The following CDC42BPB variants were observed in gnomAD, a reference collection of about 807,000 sequenced individuals.
CDC42BPB encodes the protein serine/threonine-protein kinase MRCK beta.
CDC42BPB carries 37 observed loss-of-function variants against 214.9 expected under a neutral mutation model. The ratio of observed to expected loss-of-function variants is 0.17; its 90% CI spans 0.13 to 0.23. CDC42BPB has a LOEUF of 0.23. Ranked by LOEUF, CDC42BPB falls within the 10% of genes least tolerant of loss-of-function variation. CDC42BPB has a pLI of 1.00. For synonymous variants in CDC42BPB, 931 were observed against 884.0 expected (o/e 1.05, Z -0.94); for missense variants, 1,694 against 2,227.0 (o/e 0.76, Z 4.82).
intron 6 of CDC42BPB, among the ~76,000 whole-genome samples, chr14:102,986,010 C>A (rs934421492): frequency 6.6e-6 from 1 of 152,200 alleles, no homozygotes. Flanking sequence ...CAGCTGGCCC[C>A]GTAACACTGA....
At chr14:103,014,388 G>C (rs367677131) in intron 1 of CDC42BPB, among the ~76,000 whole-genome samples, 3 of 152,100 alleles carry the variant, frequency 2.0e-5, no homozygotes, top group East Asian at 3.8e-4. Flanking sequence ...TTTTATGCTA[G>C]GTTTTTTTTT....
intron 5 of CDC42BPB, among the ~76,000 whole-genome samples, chr14:102,989,589 C>T (rs1324982899): frequency 6.6e-6 from 1 of 152,158 alleles, no homozygotes; most frequent in Non-Finnish European, 1.5e-5. Context: ...GAATGAAGAG[C>T]AGGCCGGGTG....
chr14:102,936,276 TCAAA>T (rs1487315389), intron 36 of CDC42BPB, among the ~76,000 whole-genome samples: 2 of 152,146 alleles, frequency 1.3e-5, no homozygotes, highest in African/African-American at 4.8e-5. Context: ...AAACAGGCAC[TCAAA>T]CACATATGTG....
At chr14:102,955,907 C>A (rs1843815854) in intron 21 of CDC42BPB, among the ~76,000 whole-genome samples, 1 of 152,130 alleles carries the variant, frequency 6.6e-6, no homozygotes, top group African/African-American at 2.4e-5. Flanking sequence ...GAGGAAGGAG[C>A]CAAATTCAGA....
Position 102,986,470 on chromosome 14 carries a change from C to A in CDC42BPB, c.690+17G>T. On this transcript the variant is annotated intron_variant, in intron 6 of 36. Coordinates refer to ENST00000361246, the MANE Select transcript of CDC42BPB (RefSeq NM_006035.4). ...AAACCCAAAACCAAATGGAAAATCT[C>A]CAACAAAAATACCTACAGTGCCATC... 6.3e-7 allele frequency: 1 copy of A among 1,599,040 alleles called. No individual in the cohort carries two copies. Among genetic ancestry groups the A allele is most frequent in the African/African-American group, 1.3e-5 (1 of 74,710 alleles).
At chr14:102,936,551 G>T (rs1413213849) in intron 36 of CDC42BPB, among the ~76,000 whole-genome samples, 1 of 151,466 alleles carries the variant, frequency 6.6e-6, no homozygotes, top group East Asian at 1.9e-4. Flanking sequence ...GAAATGTCCA[G>T]ACAGGGAAAT....
At chr14:102,980,128 T>C (rs1309260252) in intron 8 of CDC42BPB, among the ~76,000 whole-genome samples, 1 of 152,134 alleles carries the variant, frequency 6.6e-6, no homozygotes, top group African/African-American at 2.4e-5. Flanking sequence ...TCTTTCAACC[T>C]AAAAAACCTA....
At chr14:102,962,987 G>A (rs1270136914) in intron 20 of CDC42BPB, 74 bp downstream of exon 20, 19 of 749,372 alleles carry the variant, frequency 2.5e-5, no homozygotes, top group South Asian at 9.0e-5. Context: ...CTATTAAGTC[G>A]AAAAGAAAAT....
At chr14:102,962,178 T>TG (rs1220976428) in intron 20 of CDC42BPB, among the ~76,000 whole-genome samples, 2 of 152,222 alleles carry the variant, frequency 1.3e-5, no homozygotes, top group African/African-American at 4.8e-5. Context: ...GGGTAGGCTG[T>TG]GGGGCAGAAA....
chr14:102,938,191 G>C lies in CDC42BPB; in HGVS notation c.4934-17C>G. ...CCGATCCACCTACAGAACAAGGACA[G>C]CTTTCCTCTTAGGGAGAAAGTCAAG... is the stretch of plus-strand genomic sequence containing the variant. On this transcript the variant is annotated splice_polypyrimidine_tract_variant and intron_variant, in intron 35 of 36. Coordinates refer to ENST00000361246, the MANE Select transcript of CDC42BPB (RefSeq NM_006035.4). 1 of 1,612,342 alleles carries C rather than the reference G, an allele frequency of 6.2e-7. No individual in the cohort carries two copies. Among genetic ancestry groups the C allele is most frequent in the Non-Finnish European group, 8.5e-7 (1 of 1,179,346 alleles).
intron 26 of CDC42BPB, 157 bp from the exon 27 acceptor site, chr14:102,947,959 C>T: frequency 1.0e-6 from 1 of 984,106 alleles, no homozygotes; most frequent in Non-Finnish European, 1.2e-6. Flanking sequence ...GAAACACGGG[C>T]AGGGCCAACA....
In CDC42BPB at chr14:103,057,183, C is replaced by A; in HGVS notation, c.-10G>T. 7.2e-7 allele frequency: 1 copy of A among 1,394,258 alleles called. No homozygotes were observed. The highest frequency in any genetic ancestry group is 9.4e-7 in the Non-Finnish European group (1 of 1,068,440). 86.4% of individuals were successfully genotyped at this position (1,394,258 alleles called of 1,614,324 possible). On this transcript the variant is annotated 5_prime_UTR_variant, in exon 1 of 37. Transcript: ENST00000361246. ...GCACCTTGGCCGACATGGTGCCGCG[C>A]GGCCCGCTCCCGACGCGCCGGCCTC...
intron 1 of CDC42BPB, among the ~76,000 whole-genome samples, chr14:103,033,194 T>C (rs1010763139): frequency 1.3e-5 from 2 of 152,086 alleles, no homozygotes; most frequent in Non-Finnish European, 2.9e-5. Flanking sequence ...CATTATTCTA[T>C]ATGCTCTACC....
chr14:102,952,437 C>T (rs1324052863), intron 24 of CDC42BPB, 61 bp downstream of exon 24: 2 of 1,054,188 alleles, frequency 1.9e-6, no homozygotes, highest in Non-Finnish European at 2.9e-6. Flanking sequence ...CCGGCTGGTG[C>T]CCTTAGCTGC....
intron 25 of CDC42BPB, 193 bp from the exon 26 acceptor site, chr14:102,950,097 A>G (rs1892416615): frequency 1.0e-6 from 1 of 985,242 alleles, no homozygotes; most frequent in Non-Finnish European, 1.2e-6. Context: ...GGTGCCAGGG[A>G]AAGCTGGCAG....
chr14:102,956,744 G>A (rs903472947), intron 21 of CDC42BPB, among the ~76,000 whole-genome samples: 3 of 152,142 alleles, frequency 2.0e-5, no homozygotes, highest in African/African-American at 4.8e-5. Flanking sequence ...CAGGAGAATC[G>A]CTTGAGCCCA....
At chr14:102,941,397 T>C (rs1891882867) in intron 30 of CDC42BPB, 1 of 985,328 alleles carries the variant, frequency 1.0e-6, no homozygotes, top group Non-Finnish European at 1.2e-6. Flanking sequence ...AGGACTTTTC[T>C]TCTGAATACA....
chr14:103,014,825 C>T (rs1258991690), intron 1 of CDC42BPB, among the ~76,000 whole-genome samples: 1 of 152,122 alleles, frequency 6.6e-6, no homozygotes, highest in Non-Finnish European at 1.5e-5. Context: ...GAGCTGCACT[C>T]CAGCCTGGGC....
chr14:103,044,405 T>C (rs542669726), intron 1 of CDC42BPB, among the ~76,000 whole-genome samples: 173 of 148,082 alleles, frequency 1.2e-3, no homozygotes, highest in African/African-American at 4.1e-3. Flanking sequence ...AGTCTCGCTC[T>C]GTCACCCAGG....
Sources: gnomAD v4.1 joint callset for allele counts (sites outside exome capture counted in the v4.1 genomes callset) on GRCh38, gnomAD v4.1.1 for gene constraint, MANE v1.5 for transcripts, NCBI Gene and HGNC (gene_info 2026-07-23, HGNC 2026-07-21) for gene names.